RNF213: variants seen among roughly 807,000 people sequenced by gnomAD.
RNF213 encodes ring finger protein 213, also known as E3 ubiquitin-protein ligase RNF213.
Under a neutral mutation model 514.4 loss-of-function variants are expected in RNF213, and 341 were observed. That is an observed-to-expected ratio of 0.66 (90% CI 0.61 to 0.73). The LOEUF (loss-of-function observed/expected upper bound fraction) is 0.73. Ranked by LOEUF, RNF213 falls within the 30% of genes least tolerant of loss-of-function variation. The pLI, the probability that RNF213 is intolerant of heterozygous loss-of-function variation, is 0.00. For synonymous variants in RNF213, 2,655 were observed against 2,658.2 expected (o/e 1.00, Z 0.04); for missense variants, 5,767 against 6,615.6 (o/e 0.87, Z 4.45).
At chr17:80,368,790 C>A (rs1160352842) in intron 44 of RNF213, among the ~76,000 whole-genome samples, 1 of 152,094 alleles carries the variant, frequency 6.6e-6, no homozygotes, top group Non-Finnish European at 1.5e-5. Context: ...GAGGATCAAC[C>A]CACTTCTTGT....
intron 37 of RNF213, among the ~76,000 whole-genome samples, chr17:80,359,153 C>A (rs192908330): frequency 3.5e-4 from 53 of 152,232 alleles, no homozygotes; most frequent in African/African-American, 1.3e-3. Context: ...TGATGATGTG[C>A]GGCTCAGGCT....
intron 17 of RNF213, chr17:80,320,417 A>G (rs2046100863): frequency 6.6e-6 from 1 of 152,118 alleles, no homozygotes; most frequent in African/African-American, 2.4e-5. Context: ...CAATGGTGCG[A>G]TCCTGGCTCA....
At position 80,368,162 on chromosome 17, in the gene RNF213, C is replaced by G. The variant is rs1161756224; in HGVS notation, c.12155+19C>G. On this transcript the variant is annotated intron_variant, in intron 44 of 67. Transcript: ENST00000582970. Reference sequence around the variant, plus strand: ...CGCACAGGTACAACACCCTTTCTCTCAAGAAAGCATCCTTTTTTTCATTTT... The same window carrying G: ...CGCACAGGTACAACACCCTTTCTCTGAAGAAAGCATCCTTTTTTTCATTTT... 9.3e-6 allele frequency: 15 copies of G among 1,611,546 alleles called. No individual in the cohort carries two copies. The highest frequency in any genetic ancestry group is 2.7e-5 in the African/African-American group (2 of 74,896).
rs1265171104 is a variant in RNF213, at chr17:80,337,595, G to A, written c.4537G>A (p.Ala1513Thr). The A allele has an allele frequency of 1.4e-5, 21 of 1,537,156 alleles. No individual in the cohort carries two copies. Among genetic ancestry groups the A allele is most frequent in the South Asian group, 4.8e-5 (4 of 84,072 alleles). ...CCTTTTGTCCCCATAGTGTGACTCC[G>A]CCAGGAACTTGGAATGGCTGAAGAC... ...QYLPRKLCDS[A>T]RNLEWLKTVN... The change falls in exon 24 of 68, where the codon GCC becomes ACC. Residue 1513 changes from alanine to threonine, a missense_variant. Coordinates refer to ENST00000582970, the MANE Select transcript of RNF213 (RefSeq NM_001256071.3).
rs61729879 is a variant in RNF213, at chr17:80,376,423, C to T, written c.13308C>T (p.Asp4436=). 2.5e-3 allele frequency: 4,020 copies of T among 1,614,216 alleles called. 99 individuals carry two copies. In the African/African-American group the frequency reaches 0.046, roughly 18 times the overall value. Residue 4436 remains aspartate (D), a synonymous_variant, in exon 52 of 68, where the codon GAC becomes GAT. Transcript: ENST00000582970. ...SVPLLRAGPS[D]SNLDGTVTEM... is the part of the protein sequence containing the mutation. ...CATTGTTGAGGGCGGGGCCTAGTGACAGCAACCTTGATGGAACGGTGACAG... is the reference window on the plus strand; with the variant it reads ...CATTGTTGAGGGCGGGGCCTAGTGATAGCAACCTTGATGGAACGGTGACAG...
intron 17 of RNF213, 168 bp downstream of exon 17, chr17:80,319,480 G>C (rs1206570035): frequency 1.2e-6 from 2 of 1,613,966 alleles, no homozygotes; most frequent in African/African-American, 2.7e-5. Flanking sequence ...CTGAAATCTA[G>C]TTCTCTCCGG....
At position 80,350,190 on chromosome 17, in the gene RNF213, C is replaced by T. The variant is rs1599085700; in HGVS notation, c.10089-111C>T. The T allele has an allele frequency of 1.2e-5, 10 of 807,002 alleles. No homozygotes were observed. In the South Asian group the frequency reaches 1.3e-4, roughly 10 times the overall value. 50.0% of individuals were successfully genotyped at this position (807,002 alleles called of 1,614,324 possible). ...TCTGTTCTTACTGAAGAAAATCCTA[C>T]CTGAGTAGCTGTTTCTTTGTAGCCT... On this transcript the variant is annotated intron_variant, in intron 30 of 67. Coordinates refer to ENST00000582970, the MANE Select transcript of RNF213 (RefSeq NM_001256071.3).
rs955363772 is a variant in RNF213 at position 80,332,598 on chromosome 17, T to C, written c.4110T>C (p.Gly1370=). 3.9e-6 allele frequency: 6 copies of C among 1,519,896 alleles called. No homozygotes were observed. In the Admixed American group the frequency reaches 1.0e-4, roughly 26 times the overall value. 94.2% of individuals were successfully genotyped at this position (1,519,896 alleles called of 1,614,324 possible). A position where few individuals can be genotyped will look rare whatever the true frequency, so the allele number is the denominator to read the frequency against. The stretch of plus-strand genomic sequence containing the variant: ...TCAAAGAGAGCCTGGGACTGAACGG[T>C]GACTTCAGTGTTCTCAACACTTTAC... ...LQVKESLGLN[G]DFSVLNTLLN... is the part of the protein sequence containing the mutation. The change falls in exon 21 of 68, where the codon GGT becomes GGC. Residue 1370 remains glycine, a synonymous_variant. Coordinates refer to ENST00000582970, the MANE Select transcript of RNF213 (RefSeq NM_001256071.3).
chr17:80,337,486 G>T (rs191517878), intron 23 of RNF213, 100 bp from the exon 24 acceptor site: 5 of 1,438,032 alleles, frequency 3.5e-6, no homozygotes, highest in Middle Eastern at 2.4e-4. Flanking sequence ...TGGGGAGAAG[G>T]CTCTGCAGCG....
At chr17:80,380,617 C>G (rs1156668767) in intron 55 of RNF213, among the ~76,000 whole-genome samples, 1 of 152,210 alleles carries the variant, frequency 6.6e-6, no homozygotes, top group African/African-American at 2.4e-5. Context: ...GCGCAGCCAC[C>G]TGACGCTGAG....
intron 14 of RNF213, among the ~76,000 whole-genome samples, chr17:80,310,635 C>T (rs977681145): frequency 5.3e-5 from 8 of 152,054 alleles, no homozygotes; most frequent in Admixed American, 4.6e-4. Context: ...TCACCACAAC[C>T]TCCGCCTCCT....
chr17:80,332,686 C>G, intron 21 of RNF213, 55 bp downstream of exon 21: 1 of 1,443,006 alleles, frequency 6.9e-7, no homozygotes. Flanking sequence ...GCCTCAGCCT[C>G]TTCAGGAGCC....
At chr17:80,320,187 T>C in intron 17 of RNF213, 1 of 191,230 alleles carries the variant, frequency 5.2e-6, no homozygotes, top group Non-Finnish European at 9.7e-6. Flanking sequence ...TCCTCCCCTC[T>C]AGTCACCCAC....
At chr17:80,382,106 C>T (rs2080031746) in intron 57 of RNF213, 1 of 296,542 alleles carries the variant, frequency 3.4e-6, no homozygotes, top group African/African-American at 2.2e-5. Context: ...GTGTCGTCCA[C>T]ACAGAGCGTG....
At chr17:80,376,185 G>A in intron 51 of RNF213, 116 bp from the exon 52 acceptor site, 3 of 1,274,168 alleles carry the variant, frequency 2.4e-6, no homozygotes, top group South Asian at 2.5e-5. Context: ...TCAAATGGTG[G>A]TGATTTCTCC....
intron 14 of RNF213, among the ~76,000 whole-genome samples, chr17:80,310,886 T>C (rs1021686202): frequency 1.3e-5 from 2 of 152,212 alleles, no homozygotes; most frequent in East Asian, 1.9e-4. Context: ...AAGTTAGAAC[T>C]GTGACGTTAG....
At chr17:80,313,770 C>G (rs372690213) in intron 15 of RNF213, among the ~76,000 whole-genome samples, 5 of 83,026 alleles carry the variant, frequency 6.0e-5, no homozygotes, top group Admixed American at 1.2e-4. Context: ...GGTGGAGGTA[C>G]TGGAGGTGAT....
chr17:80,352,307 T>C (rs1461593333), intron 32 of RNF213: 2 of 205,848 alleles, frequency 9.7e-6, no homozygotes, highest in Non-Finnish European at 2.0e-5. Flanking sequence ...ACATGAATCC[T>C]GGGATGGGAG....
rs781594504 is a variant in RNF213, at chr17:80,319,419, A to T, written c.3024+107A>T. On this transcript the variant is annotated intron_variant, in intron 17 of 67. Coordinates refer to ENST00000582970, the MANE Select transcript of RNF213 (RefSeq NM_001256071.3). ...CCGCTGGGTCTCAGCTCCTCCGCTA[A>T]CTCAGAGATTGGGAAGTGGGCACCC... 8.7e-6 allele frequency: 14 copies of T among 1,614,212 alleles called. No homozygotes were observed. The South Asian group carries it at 1.5e-4, about 18-fold the overall frequency.
Sources: allele counts gnomAD v4.1 joint callset (sites outside exome capture counted in the v4.1 genomes callset), GRCh38; gene constraint gnomAD v4.1.1; transcripts MANE v1.5; gene names NCBI Gene and HGNC (gene_info 2026-07-23, HGNC 2026-07-21).